FRMPD4: variants seen among roughly 807,000 people sequenced by gnomAD.
FRMPD4 encodes the protein FERM and PDZ domain-containing protein 4.
A neutral mutation model predicts 94.1 loss-of-function variants in FRMPD4; 22 were observed. The observed-to-expected ratio is 0.23, with a 90% CI of 0.17 to 0.33. FRMPD4 has a LOEUF of 0.33. Ranked by LOEUF, FRMPD4 falls within the 10% of genes least tolerant of loss-of-function variation. FRMPD4 has a pLI of 1.00. For missense variants in FRMPD4, 1,111 were observed against 1,339.9 expected (o/e 0.83, Z 2.67); for synonymous variants, 631 against 548.6 (o/e 1.15, Z -2.10).
At chrX:11,962,737 G>A (rs758693841) in intron 3 of FRMPD4, among the ~76,000 whole-genome samples, 3 of 111,701 alleles carry the variant, frequency 2.7e-5, no homozygotes, top group Admixed American at 1.9e-4. Flanking sequence ...TATTGAAAGA[G>A]GCTATCAGGG....
chrX:12,132,799 T>C (rs780717024), intron 3 of FRMPD4, among the ~76,000 whole-genome samples: 4 of 110,175 alleles, frequency 3.6e-5, no homozygotes, highest in Admixed American at 9.8e-5. Flanking sequence ...ACAAGAACAG[T>C]TTTAATGTAG....
upstream of FRMPD4, among the ~76,000 whole-genome samples, chrX:12,134,346 C>T (rs2055579351): frequency 8.9e-6 from 1 of 112,514 alleles, no homozygotes; most frequent in Non-Finnish European, 1.9e-5. Context: ...AGAACAGAAA[C>T]TTGCCTTGTT....
chrX:11,933,700 G>T (rs894155359), intron 3 of FRMPD4, among the ~76,000 whole-genome samples: 2 of 112,207 alleles, frequency 1.8e-5, no homozygotes, highest in Non-Finnish European at 3.8e-5. Context: ...TTGTAGGATT[G>T]AAACCGAGTT....
intron 3 of FRMPD4, among the ~76,000 whole-genome samples, chrX:12,072,072 C>T (rs375533398): frequency 9.0e-6 from 1 of 111,147 alleles, no homozygotes. Context: ...CTCGTTGCAG[C>T]CTTGAACTCC....
intron 4 of FRMPD4, among the ~76,000 whole-genome samples, chrX:12,631,501 C>A (rs1479312186): frequency 9.0e-6 from 1 of 111,169 alleles, no homozygotes; most frequent in Admixed American, 9.6e-5. Flanking sequence ...CCCATCAACC[C>A]ATCACCTGCA....
rs760437995 is a variant in FRMPD4, at chrX:12,722,330, T to C, written c.*472T>C. The C allele has an allele frequency of 8.9e-6, 1 of 112,381 alleles. No individual in the cohort carries two copies. The highest frequency in any genetic ancestry group is 3.2e-5 in the African/African-American group (1 of 30,968). 9.3% of individuals were successfully genotyped at this position (112,381 alleles called of 1,213,427 possible). On this transcript the variant is annotated 3_prime_UTR_variant, in exon 17 of 17. Transcript: ENST00000675598. ...AATTATGATTTTTAAGCATTGGAAA[T>C]AGCAAAAAGACATTTAAAATTCAAG... is the stretch of plus-strand genomic sequence containing the variant.
At chrX:12,575,933 C>A (rs971217472) in intron 2 of FRMPD4, among the ~76,000 whole-genome samples, 5 of 112,194 alleles carry the variant, frequency 4.5e-5, no homozygotes, top group African/African-American at 1.6e-4. Flanking sequence ...CTAGAAAGAC[C>A]CATTTCAGAC....
At chrX:12,153,322 A>C (rs1208494550) in intron 1 of FRMPD4, among the ~76,000 whole-genome samples, 4 of 112,306 alleles carry the variant, frequency 3.6e-5, no homozygotes, top group African/African-American at 1.3e-4. Flanking sequence ...TAAAGGGGAC[A>C]ACTTGATGTT....
At chrX:12,506,137 C>T (rs2057982757) in intron 2 of FRMPD4, among the ~76,000 whole-genome samples, 1 of 111,650 alleles carries the variant, frequency 9.0e-6, no homozygotes, top group Admixed American at 9.5e-5. Flanking sequence ...ATGGGGCTGG[C>T]TCCATGATTT....
chrX:12,551,008 C>G (rs2058531679), intron 2 of FRMPD4, among the ~76,000 whole-genome samples: 1 of 110,074 alleles, frequency 9.1e-6, no homozygotes, highest in Non-Finnish European at 1.9e-5. Flanking sequence ...TGGAGAAACA[C>G]TGTTTCATAT....
In FRMPD4 at chrX:12,706,923, C is replaced by CTTTTTTTT. The variant is rs746601138; in HGVS notation, c.1287+19_1287+26dup. ...TTCAAGGCAACATTAGTGGTAATTTCTTTTTTTTTTTTTTTTTTGCTTTCT... is the reference window on the plus strand; with the variant it reads ...TTCAAGGCAACATTAGTGGTAATTTCTTTTTTTTTTTTTTTTTTTTTTTTTTGCTTTCT... On this transcript the variant is annotated intron_variant, in intron 12 of 16. Transcript: ENST00000675598. 5 of 609,258 alleles carry CTTTTTTTT rather than the reference C, an allele frequency of 8.2e-6. No individual in the cohort carries two copies. The highest frequency in any genetic ancestry group is 5.6e-5 in the African/African-American group (2 of 35,434). 50.2% of individuals were successfully genotyped at this position (609,258 alleles called of 1,213,427 possible).
intron 1 of FRMPD4, among the ~76,000 whole-genome samples, chrX:12,285,890 T>G (rs907364030): frequency 7.2e-5 from 8 of 111,798 alleles, no homozygotes; most frequent in Non-Finnish European, 1.1e-4. Context: ...TTTAGGACAA[T>G]TCTGTGGACA....
chrX:12,174,934 T>C (rs1414943020), intron 1 of FRMPD4, among the ~76,000 whole-genome samples: 1 of 112,287 alleles, frequency 8.9e-6, no homozygotes, highest in Non-Finnish European at 1.9e-5. Flanking sequence ...CCCTGTTTTA[T>C]TTTGAGTTCT....
intron 1 of FRMPD4, among the ~76,000 whole-genome samples, chrX:12,320,161 G>T: frequency 8.9e-6 from 1 of 111,783 alleles, no homozygotes; most frequent in Non-Finnish European, 1.9e-5. Flanking sequence ...GTATTTGGAA[G>T]ATAGCAGTTT....
chrX:12,551,242 AATT>A (rs909349856), intron 2 of FRMPD4, among the ~76,000 whole-genome samples: 10 of 111,217 alleles, frequency 9.0e-5, no homozygotes, highest in African/African-American at 3.3e-4. Flanking sequence ...CAGTTTCGAC[AATT>A]ATTAACTCAT....
intron 1 of FRMPD4, among the ~76,000 whole-genome samples, chrX:12,451,323 T>C (rs1315562356): frequency 2.7e-5 from 3 of 112,016 alleles, no homozygotes; most frequent in Admixed American, 1.9e-4. Context: ...CACTTTCCTC[T>C]TTTTCAGACA....
At position 12,527,495 on chromosome X, in the gene FRMPD4, T is replaced by G. The variant is rs1037566289; in HGVS notation, c.158+28699T>G. Among the ~76,000 whole-genome samples, 26 of 107,910 alleles carry G rather than the reference T, an allele frequency of 2.4e-4. No individual in the cohort carries two copies. The East Asian group carries it at 3.2e-3, about 13-fold the overall frequency. 93.7% of individuals were successfully genotyped at this position (107,910 alleles called of 115,157 possible). A position where few individuals can be genotyped will look rare whatever the true frequency, so the allele number is the denominator to read the frequency against. On this transcript the variant is annotated intron_variant, in intron 2 of 16. Coordinates refer to ENST00000675598, the MANE Select transcript of FRMPD4 (RefSeq NM_001368397.1). ...CAGAGATCTGAGTTACAGTTTTTTT[T>G]TTTTTTTTTTTGTCTTCCTTCTTTG... is the stretch of plus-strand genomic sequence containing the variant.
chrX:12,498,060 C>T (rs1453836056), intron 1 of FRMPD4, among the ~76,000 whole-genome samples: 1 of 111,035 alleles, frequency 9.0e-6, no homozygotes, highest in East Asian at 2.8e-4. Flanking sequence ...TCACGGGTAG[C>T]TGAGACTGTG....
intron 1 of FRMPD4, among the ~76,000 whole-genome samples, chrX:12,445,604 T>C (rs1308726781): frequency 1.8e-5 from 2 of 112,459 alleles, no homozygotes; most frequent in Non-Finnish European, 3.8e-5. Context: ...TTTATATCCC[T>C]ATTTTATAGC....
Sources: gnomAD v4.1 joint callset for allele counts (sites outside exome capture counted in the v4.1 genomes callset) on GRCh38, gnomAD v4.1.1 for gene constraint, MANE v1.5 for transcripts, NCBI Gene and HGNC (gene_info 2026-07-23, HGNC 2026-07-21) for gene names.